Variants in MSI2 observed in about 807,000 individuals in gnomAD.
MSI2 encodes musashi RNA binding protein 2.
MSI2 carries 17 observed loss-of-function variants against 45.6 expected under a neutral mutation model. That is an observed-to-expected ratio of 0.37 (90% CI 0.26 to 0.56). MSI2 has a LOEUF of 0.56. Ranked by LOEUF, MSI2 falls within the 20% of genes least tolerant of loss-of-function variation. The pLI is 0.77. For missense variants in MSI2, 293 were observed against 444.2 expected (o/e 0.66, Z 3.06); for synonymous variants, 156 against 158.2 (o/e 0.99, Z 0.11).
intron 5 of MSI2, chr17:57,285,832 C>T: frequency 1.4e-6 from 2 of 1,445,498 alleles, no homozygotes; most frequent in Non-Finnish European, 1.8e-6. Flanking sequence ...AGCCAAGCCT[C>T]CTACCACTCA....
intron 5 of MSI2, among the ~76,000 whole-genome samples, chr17:57,320,031 C>T (rs1913199077): frequency 6.6e-6 from 1 of 152,156 alleles, no homozygotes; most frequent in Admixed American, 6.5e-5. Flanking sequence ...CTACTTGGCC[C>T]TTCCCTTTGC....
rs1054668005 is a variant in MSI2, at chr17:57,627,599, C to T, written c.727+296C>T. 68 of 451,156 alleles carry T rather than the reference C, an allele frequency of 1.5e-4. No individual in the cohort carries two copies. In the Middle Eastern group the frequency reaches 1.8e-3, roughly 12 times the overall value. The allele number at this position is 451,156 out of a possible 1,614,324, so 27.9% of individuals were successfully genotyped here. A position where few individuals can be genotyped will look rare whatever the true frequency, so the allele number is the denominator to read the frequency against. Reference sequence around the variant, plus strand: ...CACCTCCTTTTTCTGAAGCCTCTTCCGGGTTTTTTCTCACTGGGGACTGAA... The same window carrying T: ...CACCTCCTTTTTCTGAAGCCTCTTCTGGGTTTTTTCTCACTGGGGACTGAA... On this transcript the variant is annotated intron_variant, in intron 10 of 13. Transcript: ENST00000284073. The surrounding 1 kb of genome is among the most constrained non-coding windows in gnomAD (Gnocchi z 4.6).
chr17:57,375,356 T>G (rs965509175), intron 5 of MSI2, among the ~76,000 whole-genome samples: 9 of 152,310 alleles, frequency 5.9e-5, no homozygotes, highest in Non-Finnish European at 1.2e-4. Context: ...CTTTGTGGTA[T>G]AGAGCCAGGA....
At chr17:57,471,052 T>G (rs1403130038) in intron 6 of MSI2, among the ~76,000 whole-genome samples, 1 of 152,196 alleles carries the variant, frequency 6.6e-6, no homozygotes, top group Non-Finnish European at 1.5e-5. Flanking sequence ...TCTGAAGACC[T>G]TGCTTAGAGC....
At chr17:57,586,849 T>TAA (rs34823246) in intron 7 of MSI2, among the ~76,000 whole-genome samples, 4 of 146,718 alleles carry the variant, frequency 2.7e-5, no homozygotes, top group South Asian at 2.2e-4. Flanking sequence ...CCCATCTCCT[T>TAA]AAAAAAAAAA....
At chr17:57,417,256 T>C (rs1323293881) in intron 6 of MSI2, among the ~76,000 whole-genome samples, 1 of 152,068 alleles carries the variant, frequency 6.6e-6, no homozygotes, top group African/African-American at 2.4e-5. Flanking sequence ...AGTGTTGCCA[T>C]GGTAGGTGGA....
chr17:57,403,320 G>C (rs1195794933), intron 6 of MSI2, among the ~76,000 whole-genome samples: 1 of 151,964 alleles, frequency 6.6e-6, no homozygotes, highest in Non-Finnish European at 1.5e-5. Flanking sequence ...TTCTCTCTCT[G>C]TTGTTTTTCA....
At chr17:57,341,401 G>A (rs1915144266) in intron 5 of MSI2, among the ~76,000 whole-genome samples, 1 of 152,250 alleles carries the variant, frequency 6.6e-6, no homozygotes, top group South Asian at 2.1e-4. Flanking sequence ...CTAAAGTGGG[G>A]AAAAACCAAA....
chr17:57,299,122 C>T (rs1598089774), intron 5 of MSI2, among the ~76,000 whole-genome samples: 1 of 152,332 alleles, frequency 6.6e-6, no homozygotes, highest in African/African-American at 2.4e-5. Flanking sequence ...CTTCTCAGCC[C>T]TCATAGAATT....
At chr17:57,344,853 A>G (rs967615968) in intron 5 of MSI2, among the ~76,000 whole-genome samples, 1 of 152,200 alleles carries the variant, frequency 6.6e-6, no homozygotes, top group African/African-American at 2.4e-5. Context: ...TTACGAGGTC[A>G]GGAGTTCGAG....
chr17:57,323,296 A>G (rs1393885581), intron 5 of MSI2, among the ~76,000 whole-genome samples: 1 of 152,188 alleles, frequency 6.6e-6, no homozygotes, highest in Non-Finnish European at 1.5e-5. Context: ...AGAAGAAAAA[A>G]TGTGAGACTG....
At chr17:57,564,608 A>G (rs964147887) in intron 7 of MSI2, among the ~76,000 whole-genome samples, 2 of 152,204 alleles carry the variant, frequency 1.3e-5, no homozygotes, top group African/African-American at 4.8e-5. Context: ...GGGGAGCTCC[A>G]GCCCTAATAG....
At chr17:57,271,290 A>G (rs907886425) in intron 5 of MSI2, among the ~76,000 whole-genome samples, 6 of 152,180 alleles carry the variant, frequency 3.9e-5, no homozygotes, top group African/African-American at 1.4e-4. Flanking sequence ...CATTAGGAGA[A>G]TGTGTAACTT....
chr17:57,322,910 G>T (rs1913466037), intron 5 of MSI2, among the ~76,000 whole-genome samples: 2 of 152,048 alleles, frequency 1.3e-5, no homozygotes, highest in South Asian at 4.2e-4. Context: ...GCAGGGCAGG[G>T]AGCAAAGCCC....
intron 9 of MSI2, among the ~76,000 whole-genome samples, chr17:57,624,866 C>T (rs1428398839): frequency 6.6e-6 from 1 of 152,188 alleles, no homozygotes; most frequent in Non-Finnish European, 1.5e-5. Flanking sequence ...AAGGAAGACT[C>T]CTATCTTAAG....
intron 5 of MSI2, among the ~76,000 whole-genome samples, chr17:57,337,924 T>C (rs1335916344): frequency 1.3e-5 from 2 of 152,228 alleles, no homozygotes; most frequent in Non-Finnish European, 2.9e-5. Context: ...CATGTGTATG[T>C]GCTTTTGCAT....
intron 6 of MSI2, among the ~76,000 whole-genome samples, chr17:57,429,735 TAA>T (rs61548525): frequency 0.92 from 135,835 of 147,746 alleles, 63,200 homozygotes; most frequent in South Asian, 0.99. Context: ...ATTAGATAAT[TAA>T]AAAAAAAAAA....
intron 6 of MSI2, among the ~76,000 whole-genome samples, chr17:57,483,143 G>A (rs1319049107): frequency 6.6e-6 from 1 of 152,158 alleles, no homozygotes; most frequent in African/African-American, 2.4e-5. Flanking sequence ...GTATTAGGAG[G>A]TAGATGCTAT....
At chr17:57,416,343 T>C (rs1482934165) in intron 6 of MSI2, among the ~76,000 whole-genome samples, 1 of 152,234 alleles carries the variant, frequency 6.6e-6, no homozygotes, top group Non-Finnish European at 1.5e-5. Flanking sequence ...CAGTGTGGCC[T>C]GATCTTAAAA....
Sources: allele counts gnomAD v4.1 joint callset (sites outside exome capture counted in the v4.1 genomes callset), GRCh38; gene constraint gnomAD v4.1.1; non-coding constraint Gnocchi (gnomAD v3.1); transcripts MANE v1.5; gene names NCBI Gene and HGNC (gene_info 2026-07-23, HGNC 2026-07-21).